The following HS6ST3 variants were observed in gnomAD, a reference collection of about 807,000 sequenced individuals.
The protein encoded by HS6ST3 is heparan sulfate 6-O-sulfotransferase 3.
In HS6ST3, 12 loss-of-function variants were observed where a neutral mutation model predicts 36.7. That is an observed-to-expected ratio of 0.33 (90% CI 0.21 to 0.53). The LOEUF is 0.53. Among genes scored for constraint, HS6ST3 ranks in the 20% least tolerant of loss-of-function variants. The pLI is 0.95. For missense variants in HS6ST3, 584 were observed against 640.9 expected (o/e 0.91, Z 0.96); for synonymous variants, 240 against 257.5 (o/e 0.93, Z 0.65).
At chr13:96,735,259 C>G (rs1876254506) in intron 1 of HS6ST3, among the ~76,000 whole-genome samples, 1 of 150,724 alleles carries the variant, frequency 6.6e-6, no homozygotes, top group African/African-American at 2.4e-5. Context: ...TTTCCAAGGG[C>G]AAAATTATTT....
chr13:96,363,784 G>A (rs1649654491), intron 1 of HS6ST3, among the ~76,000 whole-genome samples: 1 of 152,100 alleles, frequency 6.6e-6, no homozygotes, highest in African/African-American at 2.4e-5. Context: ...GAAGGAAAGG[G>A]TGAGATGAAA....
chr13:96,829,335 A>T lies in HS6ST3; in HGVS notation c.708-3155A>T, dbSNP rs192285511. Among the ~76,000 whole-genome samples the T allele has an allele frequency of 7.4e-3, 1,103 of 149,302 alleles. 20 individuals carry two copies. Among genetic ancestry groups the T allele is most frequent in the Admixed American group, 0.039 (592 of 15,004 alleles). ...TTTTTTCAATTTTTCTTTTTTTTTTAATTTTATTTTAAGTTCAGCAGTACA... is the reference window on the plus strand; with the variant it reads ...TTTTTTCAATTTTTCTTTTTTTTTTTATTTTATTTTAAGTTCAGCAGTACA... On this transcript the variant is annotated intron_variant, in intron 1 of 1. Transcript: ENST00000376705.
At chr13:96,564,728 A>T (rs1226194076) in intron 1 of HS6ST3, among the ~76,000 whole-genome samples, 6 of 152,172 alleles carry the variant, frequency 3.9e-5, no homozygotes, top group Non-Finnish European at 8.8e-5. Context: ...TTTAAACAAG[A>T]TATTCCTCAT....
chr13:96,584,809 T>C (rs2056354805), intron 1 of HS6ST3, among the ~76,000 whole-genome samples: 1 of 152,142 alleles, frequency 6.6e-6, no homozygotes, highest in African/African-American at 2.4e-5. Flanking sequence ...CATGGGACAG[T>C]CCCATACAAC....
At chr13:96,376,994 TTTTATTGA>T (rs982338730) in intron 1 of HS6ST3, among the ~76,000 whole-genome samples, 6 of 150,520 alleles carry the variant, frequency 4.0e-5, no homozygotes, top group East Asian at 3.9e-4. Flanking sequence ...GTATTTTTGT[TTTTATTGA>T]TTTATTGATT....
intron 1 of HS6ST3, among the ~76,000 whole-genome samples, chr13:96,379,791 C>T (rs1031544547): frequency 2.6e-5 from 4 of 152,114 alleles, no homozygotes; most frequent in South Asian, 2.1e-4. Flanking sequence ...TACAGACTTA[C>T]GTTTGAGAAC....
intron 1 of HS6ST3, among the ~76,000 whole-genome samples, chr13:96,707,107 C>A (rs1875446795): frequency 1.3e-5 from 2 of 151,958 alleles, no homozygotes; most frequent in African/African-American, 4.8e-5. Flanking sequence ...ATTTTTTTGT[C>A]CTCCCAGAAC....
intron 1 of HS6ST3, among the ~76,000 whole-genome samples, chr13:96,668,984 G>T (rs1214414015): frequency 6.6e-6 from 1 of 151,918 alleles, no homozygotes; most frequent in East Asian, 1.9e-4. Context: ...AGGTTTTATT[G>T]TGCAGTGGGT....
chr13:96,574,680 C>T (rs1198860227), intron 1 of HS6ST3, among the ~76,000 whole-genome samples: 2 of 152,170 alleles, frequency 1.3e-5, no homozygotes, highest in Admixed American at 6.5e-5. Context: ...TTGAATGAAA[C>T]AGAACTTGAG....
intron 1 of HS6ST3, among the ~76,000 whole-genome samples, chr13:96,631,395 A>T (rs1008139553): frequency 2.0e-5 from 3 of 152,248 alleles, no homozygotes; most frequent in Admixed American, 2.0e-4. Context: ...TAATCATGAA[A>T]TATCAGCTAT....
chr13:96,472,535 A>G (rs1244956961), intron 1 of HS6ST3, among the ~76,000 whole-genome samples: 1 of 152,152 alleles, frequency 6.6e-6, no homozygotes, highest in Admixed American at 6.5e-5. Context: ...ACACACATCG[A>G]TGCCCTCCTC....
At chr13:96,553,695 A>G (rs1164164893) in intron 1 of HS6ST3, among the ~76,000 whole-genome samples, 1 of 152,234 alleles carries the variant, frequency 6.6e-6, no homozygotes, top group Non-Finnish European at 1.5e-5. Flanking sequence ...GATTAATTCC[A>G]CTAAATTACG....
intron 1 of HS6ST3, among the ~76,000 whole-genome samples, chr13:96,351,335 T>TTTTTTTTTTAAAAA (rs1203595829): frequency 6.8e-6 from 1 of 146,366 alleles, no homozygotes; most frequent in African/African-American, 2.6e-5. Context: ...TTTTTTTTTT[T>TTTTTTTTTTAAAAA]AAAAAAAACA....
chr13:96,322,383 GA>G (rs112941484), intron 1 of HS6ST3, among the ~76,000 whole-genome samples: 56,389 of 106,998 alleles, frequency 0.53, 12,595 homozygotes, highest in Admixed American at 0.59. Context: ...CATCTCTCCA[GA>G]AAAAAAAAAA....
At chr13:96,709,033 C>T (rs1594841786) in intron 1 of HS6ST3, among the ~76,000 whole-genome samples, 1 of 152,034 alleles carries the variant, frequency 6.6e-6, no homozygotes, top group South Asian at 2.1e-4. Flanking sequence ...CCCCATAATC[C>T]CCATGTGTTG....
intron 1 of HS6ST3, among the ~76,000 whole-genome samples, chr13:96,599,701 C>G (rs1365403450): frequency 1.3e-5 from 2 of 151,876 alleles, no homozygotes; most frequent in African/African-American, 4.8e-5. Flanking sequence ...ACTTGTTTCT[C>G]TAGTTCCTTG....
At chr13:96,394,751 A>G (rs953232948) in intron 1 of HS6ST3, among the ~76,000 whole-genome samples, 3 of 152,188 alleles carry the variant, frequency 2.0e-5, no homozygotes, top group Non-Finnish European at 4.4e-5. Flanking sequence ...ATTGTCTGGT[A>G]TGATGATACA....
rs1336703731 is a variant in HS6ST3 at position 96,834,205 on chromosome 13, C to T, written c.*1007C>T. ...ACAGAAAGAAAGATGTTTTTAAAAG[C>T]TTGGCCCAAAGAATAGGAACTTAGC... is the stretch of plus-strand genomic sequence containing the variant. On this transcript the variant is annotated 3_prime_UTR_variant, in exon 2 of 2. Coordinates refer to ENST00000376705, the MANE Select transcript of HS6ST3 (RefSeq NM_153456.4). 6.6e-6 allele frequency: 1 copy of T among 152,150 alleles called. No individual in the cohort carries two copies. The highest frequency in any genetic ancestry group is 2.4e-5 in the African/African-American group (1 of 41,432). The allele number at this position is 152,150 out of a possible 1,614,324, so 9.4% of individuals were successfully genotyped here.
chr13:96,255,156 C>G (rs2054630691), intron 1 of HS6ST3, among the ~76,000 whole-genome samples: 1 of 152,210 alleles, frequency 6.6e-6, no homozygotes, highest in African/African-American at 2.4e-5. Context: ...ATTGGAGACT[C>G]AGAGATAAGC....
Sources: gnomAD v4.1 joint callset for allele counts (sites outside exome capture counted in the v4.1 genomes callset) on GRCh38, gnomAD v4.1.1 for gene constraint, MANE v1.5 for transcripts, NCBI Gene and HGNC (gene_info 2026-07-23, HGNC 2026-07-21) for gene names.